The following GLB1 variants were observed in gnomAD, a reference collection of about 807,000 sequenced individuals.
GLB1 encodes the protein galactosidase beta 1.
GLB1 carries 56 observed loss-of-function variants against 74.0 expected under a neutral mutation model. That is an observed-to-expected ratio of 0.76 (90% CI 0.61 to 0.94). GLB1 has a LOEUF of 0.94. Among genes scored for constraint, GLB1 ranks in the 40% least tolerant of loss-of-function variants. The pLI, the probability that GLB1 is intolerant of heterozygous loss-of-function variation, is 0.00. For synonymous variants in GLB1, 323 were observed against 323.6 expected, an observed-to-expected ratio of 1.00 and a Z score of 0.02; for missense variants, 787 against 845.5, an observed-to-expected ratio of 0.93 and a Z score of 0.86.
the GLB1 span, among the ~76,000 whole-genome samples, chr3:32,977,142 T>C: frequency 6.6e-6 from 1 of 151,802 alleles, no homozygotes; most frequent in Non-Finnish European, 1.5e-5. Context: ...GAGGAAACCA[T>C]GAGAAAGTGA....
In GLB1 at chr3:33,093,710, G is replaced by C; in HGVS notation, c.75+3301C>G. On this transcript the variant is annotated intron_variant, in intron 1 of 15. Transcript: ENST00000307363. This position sits in a 1 kb window ranked among gnomAD's most constrained non-coding sequence, Gnocchi z 6.0. ...CCACTGCCAGGGCAGGCCTGAGCAC[G>C]AGCTTCCTTGTCTTCTCAAGGCTGC... 6.2e-7 allele frequency: 1 copy of C among 1,614,116 alleles called. No homozygotes were observed. Among genetic ancestry groups the C allele is most frequent in the South Asian group, 1.1e-5 (1 of 91,080 alleles).
chr3:33,066,399 T>G (rs1699684679), intron 4 of GLB1, among the ~76,000 whole-genome samples: 1 of 152,156 alleles, frequency 6.6e-6, no homozygotes, highest in African/African-American at 2.4e-5. Flanking sequence ...AGATCTGAGC[T>G]AGGACACTCA....
chr3:33,051,614 A>AAG, intron 9 of GLB1, 144 bp downstream of exon 9: 26 of 1,197,244 alleles, frequency 2.2e-5, no homozygotes, highest in Non-Finnish European at 2.7e-5. Context: ...AAAAAAAAAA[A>AAG]AAAAAGAAAA....
the GLB1 span, among the ~76,000 whole-genome samples, chr3:32,976,619 G>A: frequency 6.6e-6 from 1 of 152,130 alleles, no homozygotes; most frequent in Non-Finnish European, 1.5e-5. Context: ...CTCTTCTCCG[G>A]GAAGCTCCCA....
At chr3:33,042,234 A>G (rs1038950302) in intron 10 of GLB1, among the ~76,000 whole-genome samples, 3 of 152,080 alleles carry the variant, frequency 2.0e-5, no homozygotes, top group African/African-American at 7.2e-5. Context: ...GCTTTAATAG[A>G]ATGCTTTAAC....
chr3:33,033,201 A>C (rs1034894074), intron 10 of GLB1, among the ~76,000 whole-genome samples: 11 of 152,234 alleles, frequency 7.2e-5, no homozygotes, highest in African/African-American at 2.4e-4. Flanking sequence ...TGGGTTGTGG[A>C]GAAGCAAGGT....
chr3:32,985,361 A>T, the GLB1 span, among the ~76,000 whole-genome samples: 10 of 150,920 alleles, frequency 6.6e-5, no homozygotes, highest in African/African-American at 2.4e-4. Flanking sequence ...TGCAATCTCA[A>T]CTCATTGCAA....
chr3:33,039,289 CAAAAAAAA>C (rs35066652), intron 10 of GLB1, among the ~76,000 whole-genome samples: 1 of 93,210 alleles, frequency 1.1e-5, no homozygotes, highest in Non-Finnish European at 2.1e-5. Context: ...GACTCTGTCT[CAAAAAAAA>C]AAAAAAAAAA....
At chr3:33,015,145 T>A (rs574847758) in intron 14 of GLB1, among the ~76,000 whole-genome samples, 1 of 152,032 alleles carries the variant, frequency 6.6e-6, no homozygotes, top group African/African-American at 2.4e-5. Context: ...GACAGCAAGA[T>A]CCTGTCTCAA....
chr3:32,994,459 T>G (rs1696271676), downstream of GLB1, among the ~76,000 whole-genome samples: 1 of 152,194 alleles, frequency 6.6e-6, no homozygotes, highest in Admixed American at 6.5e-5. Context: ...AATCAATTCG[T>G]GGACAGATCT....
intron 1 of GLB1, chr3:33,096,570 C>T: frequency 9.7e-7 from 1 of 1,029,004 alleles, no homozygotes; most frequent in Non-Finnish European, 1.2e-6. Context: ...AAGGGCCTCT[C>T]CTGACCCCAT....
chr3:32,999,069 A>G (rs1014667129), intron 15 of GLB1, among the ~76,000 whole-genome samples: 12 of 152,190 alleles, frequency 7.9e-5, no homozygotes, highest in African/African-American at 2.7e-4. Context: ...TTACATGATT[A>G]AAGTGAAAAG....
chr3:33,036,319 G>A (rs1330673051), intron 10 of GLB1, among the ~76,000 whole-genome samples: 1 of 152,148 alleles, frequency 6.6e-6, no homozygotes, highest in Non-Finnish European at 1.5e-5. Context: ...GGGGATGGCA[G>A]GAAGAAGTAG....
intron 3 of GLB1, among the ~76,000 whole-genome samples, chr3:33,068,603 C>A (rs1194502692): frequency 6.6e-6 from 1 of 152,080 alleles, no homozygotes; most frequent in African/African-American, 2.4e-5. Flanking sequence ...GATGAGCAAG[C>A]TGAGGTATGT....
At chr3:33,018,398 C>T (rs1697329030) in intron 13 of GLB1, 50 bp downstream of exon 13, 3 of 1,534,900 alleles carry the variant, frequency 2.0e-6, no homozygotes, top group South Asian at 1.1e-5. Flanking sequence ...GCAGGCTGCT[C>T]ATCCCCACCC....
chr3:33,042,171 T>A (rs1434647769), intron 10 of GLB1, among the ~76,000 whole-genome samples: 3 of 152,144 alleles, frequency 2.0e-5, no homozygotes, highest in Non-Finnish European at 4.4e-5. Context: ...GTCTTCCTAC[T>A]CTACCCTTGC....
At chr3:32,963,018 C>T in the GLB1 span, among the ~76,000 whole-genome samples, 28 of 151,984 alleles carry the variant, frequency 1.8e-4, no homozygotes, top group African/African-American at 4.1e-4. Context: ...AATGAGGATA[C>T]GCATATTATA....
chr3:33,063,131 C>A lies in GLB1; in HGVS notation c.552+2332G>T, dbSNP rs1336049347. Among the ~76,000 whole-genome samples the A allele has an allele frequency of 4.6e-5, 7 of 152,014 alleles. No individual in the cohort carries two copies. The East Asian group carries it at 1.4e-3, about 29-fold the overall frequency. ...TGCGTCAGAAGGTAAGTAGGACAAC[C>A]ATGAAAGATGATGAAAGAATTTTGA... On this transcript the variant is annotated intron_variant, in intron 5 of 15. Transcript: ENST00000307363.
chr3:32,983,854 A>AT, the GLB1 span, among the ~76,000 whole-genome samples: 12,840 of 147,276 alleles, frequency 0.087, 761 homozygotes, highest in Non-Finnish European at 0.13. Context: ...TAATTTTTAA[A>AT]TTTTTTTTTT....
Sources: allele counts gnomAD v4.1 joint callset (sites outside exome capture counted in the v4.1 genomes callset), GRCh38; gene constraint gnomAD v4.1.1; non-coding constraint Gnocchi (gnomAD v3.1); transcripts MANE v1.5; gene names NCBI Gene and HGNC (gene_info 2026-07-23, HGNC 2026-07-21).